Variants in AFF2 observed in about 807,000 individuals in gnomAD.
The protein encoded by AFF2 is AF4/FMR2 family member 2.
Under a neutral mutation model 76.9 loss-of-function variants are expected in AFF2, and 14 were observed. That is an observed-to-expected ratio of 0.18 (90% CI 0.12 to 0.28). The LOEUF (loss-of-function observed/expected upper bound fraction) is 0.28. Among genes scored for constraint, AFF2 ranks in the 10% least tolerant of loss-of-function variants. AFF2 has a pLI of 1.00. For missense variants in AFF2, 868 were observed against 1,001.1 expected (o/e 0.87, Z 1.79); for synonymous variants, 398 against 366.7 (o/e 1.09, Z -0.98).
intron 3 of AFF2, among the ~76,000 whole-genome samples, chrX:148,688,884 G>T (rs2054624731): frequency 9.0e-6 from 1 of 111,619 alleles, no homozygotes; most frequent in Non-Finnish European, 1.9e-5. Context: ...ACATTGAAAA[G>T]GTACAGTAAA....
At chrX:148,730,617 T>A (rs1489339129) in intron 3 of AFF2, among the ~76,000 whole-genome samples, 2 of 112,865 alleles carry the variant, frequency 1.8e-5, no homozygotes, top group Non-Finnish European at 3.7e-5. Flanking sequence ...GAGATGCACA[T>A]GCATTGACAT....
At chrX:148,761,289 T>C (rs1260889470) in intron 3 of AFF2, among the ~76,000 whole-genome samples, 2 of 111,023 alleles carry the variant, frequency 1.8e-5, no homozygotes, top group Non-Finnish European at 1.9e-5. Context: ...TTTTTATTGT[T>C]TTAAACTACT....
At chrX:148,689,701 G>A (rs2054632261) in intron 3 of AFF2, among the ~76,000 whole-genome samples, 1 of 111,846 alleles carries the variant, frequency 8.9e-6, no homozygotes. Context: ...TACTTTCAGT[G>A]CCCAGTGAAT....
chrX:148,947,896 A>G (rs1158356803), intron 9 of AFF2, among the ~76,000 whole-genome samples: 1 of 112,743 alleles, frequency 8.9e-6, no homozygotes, highest in Non-Finnish European at 1.9e-5. Flanking sequence ...AAATTCATGC[A>G]AGTCTTAACT....
chrX:148,709,611 G>C (rs913123256), intron 3 of AFF2, among the ~76,000 whole-genome samples: 20 of 112,170 alleles, frequency 1.8e-4, no homozygotes, highest in African/African-American at 6.5e-4. Context: ...AAAGTACATA[G>C]TAGAGGATTT....
intron 1 of AFF2, among the ~76,000 whole-genome samples, chrX:148,572,996 A>G (rs1232989298): frequency 9.0e-6 from 1 of 111,421 alleles, no homozygotes; most frequent in Non-Finnish European, 1.9e-5. Context: ...GCAACTAGAT[A>G]TATTGTTTAC....
At chrX:148,861,604 A>AT (rs1388288305) in intron 7 of AFF2, among the ~76,000 whole-genome samples, 1 of 110,715 alleles carries the variant, frequency 9.0e-6, no homozygotes, top group African/African-American at 3.3e-5. Context: ...TGGCTATAGA[A>AT]TTTTTTTTCC....
chrX:148,806,199 G>T (rs2070130522), intron 3 of AFF2, among the ~76,000 whole-genome samples: 2 of 112,468 alleles, frequency 1.8e-5, no homozygotes, highest in South Asian at 7.4e-4. Flanking sequence ...ACGTGTGGGT[G>T]TGTGTGAGAG....
chrX:148,683,429 T>A (rs936864121), intron 3 of AFF2, among the ~76,000 whole-genome samples: 3 of 112,113 alleles, frequency 2.7e-5, no homozygotes, highest in Non-Finnish European at 5.6e-5. Context: ...GATTTACTTT[T>A]AAAATACCAT....
At chrX:148,572,399 G>A (rs1557242665) in intron 1 of AFF2, among the ~76,000 whole-genome samples, 2 of 112,006 alleles carry the variant, frequency 1.8e-5, no homozygotes, top group African/African-American at 6.5e-5. Context: ...CAACAATTAC[G>A]CTTCTAAGTA....
intron 3 of AFF2, among the ~76,000 whole-genome samples, chrX:148,774,811 A>G (rs965913363): frequency 2.7e-5 from 3 of 112,160 alleles, no homozygotes; most frequent in Non-Finnish European, 5.6e-5. Flanking sequence ...CAGTAGCCCA[A>G]TGCTGTGCTT....
intron 1 of AFF2, among the ~76,000 whole-genome samples, chrX:148,643,868 G>A (rs1207895590): frequency 9.0e-6 from 1 of 111,647 alleles, no homozygotes; most frequent in Non-Finnish European, 1.9e-5. Context: ...TATAGTGTAT[G>A]AGGACAAAAG....
chrX:148,858,246 C>A (rs1037840930), intron 7 of AFF2, among the ~76,000 whole-genome samples: 3 of 111,163 alleles, frequency 2.7e-5, no homozygotes, highest in African/African-American at 9.8e-5. Flanking sequence ...CATGCCCACC[C>A]TATTATGGTG....
At chrX:148,841,539 A>G (rs782135755) in intron 5 of AFF2, among the ~76,000 whole-genome samples, 8 of 112,081 alleles carry the variant, frequency 7.1e-5, no homozygotes, top group African/African-American at 2.6e-4. Context: ...ATATTATACT[A>G]TGCTGCAATT....
At chrX:148,867,554 G>A (rs185838454) in intron 7 of AFF2, among the ~76,000 whole-genome samples, 18 of 112,389 alleles carry the variant, frequency 1.6e-4, no homozygotes, top group African/African-American at 5.5e-4. Flanking sequence ...TTTTTAAAAA[G>A]TATCCTTTGA....
At chrX:148,857,404 T>C (rs1557276001) in intron 7 of AFF2, among the ~76,000 whole-genome samples, 1 of 112,042 alleles carries the variant, frequency 8.9e-6, no homozygotes, top group East Asian at 2.8e-4. Flanking sequence ...AGTGGTATAT[T>C]AAGTGAGGGT....
At chrX:148,717,417 T>C (rs782119573) in intron 3 of AFF2, among the ~76,000 whole-genome samples, 29 of 111,229 alleles carry the variant, frequency 2.6e-4, no homozygotes, top group Middle Eastern at 4.6e-3. Context: ...GAACACAGAG[T>C]AACTGCTTAA....
intron 3 of AFF2, among the ~76,000 whole-genome samples, chrX:148,764,556 A>G (rs1288297146): frequency 8.9e-6 from 1 of 112,343 alleles, no homozygotes; most frequent in Admixed American, 9.4e-5. Flanking sequence ...TCATATTGTA[A>G]TTTTGTTGGC....
chrX:148,533,423 G>T, intron 1 of AFF2, among the ~76,000 whole-genome samples: 1 of 109,914 alleles, frequency 9.1e-6, no homozygotes, highest in Admixed American at 9.8e-5. Flanking sequence ...CTCCCGAGTA[G>T]CTGGGACTAC....
Sources: gnomAD v4.1 joint callset for allele counts (sites outside exome capture counted in the v4.1 genomes callset) on GRCh38, gnomAD v4.1.1 for gene constraint, MANE v1.5 for transcripts, NCBI Gene and HGNC (gene_info 2026-07-23, HGNC 2026-07-21) for gene names.